FAP: variants seen among roughly 807,000 people sequenced by gnomAD.
FAP encodes the protein fibroblast activation protein alpha, also known as prolyl endopeptidase FAP.
A neutral mutation model predicts 126.5 loss-of-function variants in FAP; 110 were observed. That is an observed-to-expected ratio of 0.87 (90% CI 0.74 to 1.02). The LOEUF (loss-of-function observed/expected upper bound fraction) is 1.02. FAP is among the 50% of genes least tolerant of loss of function. The probability of loss-of-function intolerance (pLI) is 0.00; values close to 1 mark genes in which losing one functional copy is unlikely to be tolerated. For missense variants in FAP, 919 were observed against 909.2 expected, an observed-to-expected ratio of 1.01 and a Z score of -0.14; for synonymous variants, 334 against 297.3, an observed-to-expected ratio of 1.12 and a Z score of -1.27.
intron 2 of FAP, among the ~76,000 whole-genome samples, chr2:162,238,855 C>A (rs116387833): frequency 6.6e-6 from 1 of 152,144 alleles, no homozygotes; most frequent in Non-Finnish European, 1.5e-5. Flanking sequence ...ACAACAACAA[C>A]GGATTTCTGA....
chr2:162,226,590 T>C lies in FAP; in HGVS notation c.123A>G (p.Ala41=). The C allele has an allele frequency of 1.9e-6, 3 of 1,594,718 alleles. No individual in the cohort carries two copies. Among genetic ancestry groups the C allele is most frequent in the Non-Finnish European group, 2.6e-6 (3 of 1,169,470 alleles). ...VHNSEENTMR[A]LTLKDILNGT... ...CATTTAAAATATCCTTCAGTGTGAG[T>C]GCTCTCATTGTATTTTCTTCAGAGT... Residue 41 remains alanine, a synonymous_variant, in exon 3 of 26, where the codon GCA becomes GCG. Coordinates refer to ENST00000188790, the MANE Select transcript of FAP (RefSeq NM_004460.5).
At chr2:162,236,787 G>A (rs556041595) in intron 2 of FAP, among the ~76,000 whole-genome samples, 1 of 152,126 alleles carries the variant, frequency 6.6e-6, no homozygotes, top group East Asian at 1.9e-4. Context: ...TGTTTTTGTA[G>A]GGAGGGAGTT....
intron 11 of FAP, among the ~76,000 whole-genome samples, chr2:162,213,392 C>T (rs1383196998): frequency 2.8e-5 from 4 of 142,416 alleles, no homozygotes; most frequent in African/African-American, 1.0e-4. Context: ...AAACAAAAAA[C>T]AAAAAAACAA....
At chr2:162,216,683 A>G (rs1689171808) in intron 9 of FAP, among the ~76,000 whole-genome samples, 1 of 152,206 alleles carries the variant, frequency 6.6e-6, no homozygotes, top group Non-Finnish European at 1.5e-5. Context: ...GAAAGAGAGA[A>G]TCTTGGAGTT....
chr2:162,179,812 A>T (rs200318838), intron 21 of FAP, among the ~76,000 whole-genome samples: 19,935 of 90,018 alleles, frequency 0.22, 1,757 homozygotes, highest in South Asian at 0.32. Flanking sequence ...ATATATATAT[A>T]TTTTTTTTTT....
chr2:162,214,948 T>A (rs1450156819), intron 10 of FAP, among the ~76,000 whole-genome samples: 1 of 152,164 alleles, frequency 6.6e-6, no homozygotes, highest in Non-Finnish European at 1.5e-5. Context: ...TATTTTATTG[T>A]TAGTATTTTA....
chr2:162,172,769 A>G (rs1687357106), intron 25 of FAP, 42 bp downstream of exon 25: 2 of 1,318,524 alleles, frequency 1.5e-6, no homozygotes, highest in Non-Finnish European at 2.2e-6. Context: ...TTTTAGCTTG[A>G]GGGTCTAAGG....
chr2:162,208,447 T>C (rs1461129761), intron 12 of FAP, among the ~76,000 whole-genome samples: 1 of 152,188 alleles, frequency 6.6e-6, no homozygotes, highest in East Asian at 1.9e-4. Context: ...ATTGTCAAAA[T>C]AAATGTTTAT....
chr2:162,215,339 A>G (rs1689121103), intron 10 of FAP, among the ~76,000 whole-genome samples: 1 of 152,182 alleles, frequency 6.6e-6, no homozygotes, highest in African/African-American at 2.4e-5. Flanking sequence ...ACCACAGAGG[A>G]CTGACTGAAG....
At chr2:162,215,865 A>C in intron 10 of FAP, 33 bp downstream of exon 10, 1 of 1,472,348 alleles carries the variant, frequency 6.8e-7, no homozygotes, top group Non-Finnish European at 9.5e-7. Flanking sequence ...AGAATATAGG[A>C]TAGAAAGATG....
intron 21 of FAP, among the ~76,000 whole-genome samples, chr2:162,177,707 T>C (rs1280243451): frequency 6.6e-6 from 1 of 152,182 alleles, no homozygotes; most frequent in East Asian, 1.9e-4. Flanking sequence ...ATATTTTACT[T>C]ATTTATCTTG....
chr2:162,173,632 G>T (rs1687388960), intron 23 of FAP, 91 bp downstream of exon 23: 3 of 889,036 alleles, frequency 3.4e-6, no homozygotes, highest in Admixed American at 1.9e-5. Context: ...TGGGGGCCCA[G>T]AATTAAAACT....
intron 12 of FAP, 97 bp from the exon 13 acceptor site, chr2:162,203,242 T>G (rs1172753914): frequency 2.8e-6 from 2 of 705,972 alleles, no homozygotes; most frequent in African/African-American, 1.8e-5. Flanking sequence ...GTCATAGTTA[T>G]AGGAATCAGA....
intron 2 of FAP, among the ~76,000 whole-genome samples, chr2:162,227,020 G>A (rs970751341): frequency 5.3e-5 from 8 of 152,066 alleles, no homozygotes; most frequent in African/African-American, 1.9e-4. Context: ...GACCATGTAG[G>A]TTTGGCTAAA....
At chr2:162,223,538 A>T (rs1689501919) in intron 6 of FAP, 70 bp downstream of exon 6, 5 of 1,020,840 alleles carry the variant, frequency 4.9e-6, no homozygotes, top group African/African-American at 1.6e-5. Flanking sequence ...CTTAACCCCA[A>T]ATCATAGTTT....
At chr2:162,209,862 G>T in intron 12 of FAP, 90 bp downstream of exon 12, 2 of 1,105,338 alleles carry the variant, frequency 1.8e-6, no homozygotes, top group Non-Finnish European at 2.7e-6. Context: ...AATAAGTAGT[G>T]CCAGTTTGGG....
At chr2:162,190,450 T>A (rs1285666683) in intron 17 of FAP, among the ~76,000 whole-genome samples, 1 of 151,916 alleles carries the variant, frequency 6.6e-6, no homozygotes, top group African/African-American at 2.4e-5. Context: ...CTTAAATCTT[T>A]AAAAAATCTA....
At chr2:162,209,045 T>G (rs13385383) in intron 12 of FAP, among the ~76,000 whole-genome samples, 2 of 152,012 alleles carry the variant, frequency 1.3e-5, no homozygotes, top group Non-Finnish European at 2.9e-5. Context: ...TATTTGAAGA[T>G]TATCACTTTA....
intron 12 of FAP, among the ~76,000 whole-genome samples, chr2:162,204,338 T>C (rs1688616490): frequency 6.6e-6 from 1 of 152,218 alleles, no homozygotes; most frequent in Non-Finnish European, 1.5e-5. Flanking sequence ...TGATGTGATG[T>C]CTTTAGTGGA....
Sources: gnomAD v4.1 joint callset for allele counts (sites outside exome capture counted in the v4.1 genomes callset) on GRCh38, gnomAD v4.1.1 for gene constraint, MANE v1.5 for transcripts, NCBI Gene and HGNC (gene_info 2026-07-23, HGNC 2026-07-21) for gene names.